CIDEC: variants seen among roughly 807,000 people sequenced by gnomAD.
CIDEC encodes cell death inducing DFFA like effector c.
CIDEC carries 11 observed loss-of-function variants against 21.9 expected under a neutral mutation model. That is an observed-to-expected ratio of 0.50 (90% confidence interval 0.32 to 0.83). The LOEUF (loss-of-function observed/expected upper bound fraction) is 0.83. Among genes scored for constraint, CIDEC ranks in the 40% least tolerant of loss-of-function variants. The probability of loss-of-function intolerance (pLI) is 0.04; values close to 1 mark genes in which losing one functional copy is unlikely to be tolerated. For synonymous variants in CIDEC, 127 were observed against 124.9 expected (o/e 1.02, Z -0.11); for missense variants, 302 against 302.3 (o/e 1.00, Z 0.01).
chr3:9,876,481 G>T (rs991227168), intron 4 of CIDEC, among the ~76,000 whole-genome samples: 7 of 151,942 alleles, frequency 4.6e-5, no homozygotes, highest in African/African-American at 1.7e-4. Flanking sequence ...CTTGGGCTGG[G>T]TGTGGTAGCT....
rs540271070 is a variant in CIDEC, at chr3:9,872,225, G to T, written c.208-1903C>A. ...GTCTTGCTCTCTCACCCAGGCTGGA[G>T]TGCAGTGGTGCCATCATGACTCACT... On this transcript the variant is annotated intron_variant, in intron 4 of 6. Transcript: ENST00000336832. Among the ~76,000 whole-genome samples the T allele has an allele frequency of 1.4e-4, 22 of 151,860 alleles. No homozygotes were observed. In the East Asian group the frequency reaches 4.1e-3, roughly 28 times the overall value.
At position 9,877,050 on chromosome 3, in the gene CIDEC, G is replaced by T. The variant is rs758723139; in HGVS notation, c.207+16C>A. 4 of 1,548,016 alleles carry T rather than the reference G, an allele frequency of 2.6e-6. No homozygotes were observed. In the South Asian group the frequency reaches 3.6e-5, roughly 14 times the overall value. The stretch of plus-strand genomic sequence containing the variant: ...CCAGCTCACAGCTGGGCTGTGCAAC[G>T]CGCAGGTGCTCTCACCTTGAGGAGG... On this transcript the variant is annotated intron_variant, in intron 4 of 6. Transcript: ENST00000336832.
At chr3:9,870,420 C>G (rs749653604) in intron 4 of CIDEC, 98 bp from the exon 5 acceptor site, 10 of 1,583,412 alleles carry the variant, frequency 6.3e-6, no homozygotes, top group Non-Finnish European at 8.5e-6. Context: ...TGTGGAATCA[C>G]TACCCAGAGA....
intron 1 of CIDEC, 35 bp from the exon 2 acceptor site, chr3:9,879,089 C>G: frequency 2.0e-6 from 1 of 490,314 alleles, no homozygotes; most frequent in Non-Finnish European, 3.7e-6. Context: ...TACATACTCT[C>G]CAATACCATT....
intron 4 of CIDEC, among the ~76,000 whole-genome samples, chr3:9,871,849 C>T (rs868475509): frequency 4.1e-4 from 63 of 152,178 alleles, no homozygotes; most frequent in Middle Eastern, 3.2e-3. Context: ...AGGCTGGTCT[C>T]AAACTCCCGA....
chr3:9,867,285 C>T lies in CIDEC; in HGVS notation c.566G>A (p.Arg189His), dbSNP rs1132702. Residue 189 changes from arginine (R) to histidine (H), a missense_variant, in exon 7 of 7, where the codon CGC (arginine) becomes CAC (histidine). Arg to His is a conservative substitution (Grantham distance 29, BLOSUM62 0). Coordinates refer to ENST00000336832, the MANE Select transcript of CIDEC (RefSeq NM_001321142.2). ...GGCCTGCATGCTGAAGAGGGCCCAG[C>T]GGAAAGCTTCCCTGGGTGGAATGAG... ...GAKRIMKEAFRWALFSMQATG... is the reference protein window; with the variant it reads ...GAKRIMKEAFHWALFSMQATG... The T allele has an allele frequency of 2.5e-5, 41 of 1,613,970 alleles. No individual in the cohort carries two copies. The highest frequency in any genetic ancestry group is 4.5e-5 in the East Asian group (2 of 44,906).
Position 9,866,871 on chromosome 3 carries a change from G to T in CIDEC, c.*263C>A. On this transcript the variant is annotated 3_prime_UTR_variant, in exon 7 of 7. Transcript: ENST00000336832. ...GCTAAGGGGCAGACTTCATGCCAATGGAGGGACAGACTTCAGGACCAGTCT... is the reference window on the plus strand; with the variant it reads ...GCTAAGGGGCAGACTTCATGCCAATTGAGGGACAGACTTCAGGACCAGTCT... The T allele has an allele frequency of 1.6e-6, 1 of 607,448 alleles. No individual in the cohort carries two copies. The highest frequency in any genetic ancestry group is 1.9e-5 in the South Asian group (1 of 51,880). 37.6% of individuals were successfully genotyped at this position (607,448 alleles called of 1,614,324 possible). A position where few individuals can be genotyped will look rare whatever the true frequency, so the allele number is the denominator to read the frequency against.
intron 1 of CIDEC, among the ~76,000 whole-genome samples, chr3:9,879,752 G>C (rs1377831028): frequency 2.0e-5 from 3 of 152,080 alleles, no homozygotes; most frequent in African/African-American, 7.2e-5. Flanking sequence ...TCTTTAAAAG[G>C]AAAGTCTTCT....
At chr3:9,879,220 T>C (rs1240297836) in intron 1 of CIDEC, among the ~76,000 whole-genome samples, 166 bp from the exon 2 acceptor site, 1 of 142,944 alleles carries the variant, frequency 7.0e-6, no homozygotes, top group African/African-American at 2.6e-5. Context: ...TGGGGCGATC[T>C]TGCTCACTAC....
intron 4 of CIDEC, among the ~76,000 whole-genome samples, chr3:9,873,529 T>G (rs1228160942): frequency 6.6e-6 from 1 of 152,078 alleles, no homozygotes; most frequent in Non-Finnish European, 1.5e-5. Context: ...GGCAGGAGAA[T>G]GGCGTGAACC....
At chr3:9,878,688 A>C in intron 2 of CIDEC, 177 bp from the exon 3 acceptor site, 7 of 1,476,114 alleles carry the variant, frequency 4.7e-6, no homozygotes, top group Non-Finnish European at 6.4e-6. Flanking sequence ...ATGCCAACCA[A>C]GACCAAGCTG....
chr3:9,870,505 G>T, intron 4 of CIDEC, 183 bp from the exon 5 acceptor site: 1 of 1,496,826 alleles, frequency 6.7e-7, no homozygotes, highest in Non-Finnish European at 9.0e-7. Context: ...AAAATATAAT[G>T]TAAGTCACAT....
chr3:9,872,095 G>A (rs575404992), intron 4 of CIDEC, among the ~76,000 whole-genome samples: 4 of 152,100 alleles, frequency 2.6e-5, no homozygotes, highest in African/African-American at 7.2e-5. Context: ...TTACAGACGT[G>A]AGGCACAACA....
chr3:9,868,672 A>C (rs2125041034), intron 6 of CIDEC, among the ~76,000 whole-genome samples: 1 of 152,342 alleles, frequency 6.6e-6, no homozygotes, highest in African/African-American at 2.4e-5. Flanking sequence ...TTCAAAAATA[A>C]GTTTTAAGAA....
chr3:9,874,615 A>G (rs1021002950), intron 4 of CIDEC, among the ~76,000 whole-genome samples: 2 of 152,112 alleles, frequency 1.3e-5, no homozygotes, highest in African/African-American at 4.8e-5. Context: ...ACTGACCTAG[A>G]AAATAAATAA....
chr3:9,870,225 G>A lies in CIDEC; in HGVS notation c.305C>T (p.Ala102Val). 1 of 1,614,130 alleles carries A rather than the reference G, an allele frequency of 6.2e-7. No individual in the cohort carries two copies. The highest frequency in any genetic ancestry group is 1.3e-5 in the African/African-American group (1 of 75,044). ...VETEEYFQAL[A>V]GDTVFMVLQK... ...GAGGACCATGAACACTGTATCCCCT[G>A]CCAGGGCTTGGAAGTACTCTTCTGT... The change falls in exon 5 of 7, where the codon GCA becomes GTA. Residue 102 changes from alanine (A) to valine (V), a missense_variant. Physicochemically the swap from Ala to Val is moderately conservative, Grantham distance 64. Transcript: ENST00000336832.
Position 9,877,263 on chromosome 3 carries a change from A to G in CIDEC, c.54-44T>C, listed in dbSNP as rs1225385352. The G allele has an allele frequency of 1.9e-6, 3 of 1,545,812 alleles. No individual in the cohort carries two copies. In the Admixed American group the frequency reaches 5.9e-5, roughly 30 times the overall value. On this transcript the variant is annotated intron_variant, in intron 3 of 6. Transcript: ENST00000336832. ...CAGGGTGAGCCACCCACTTTGCCCAACCCTTGCCCACCACACAGGGGAGCC... is the reference window on the plus strand; with the variant it reads ...CAGGGTGAGCCACCCACTTTGCCCAGCCCTTGCCCACCACACAGGGGAGCC...
Position 9,877,209 on chromosome 3 carries a change from C to T in CIDEC, c.64G>A (p.Val22Met). Residue 22 changes from valine (V) to methionine (M), a missense_variant, in exon 4 of 7, where the codon GTG becomes ATG. Coordinates refer to ENST00000336832, the MANE Select transcript of CIDEC (RefSeq NM_001321142.2). Reference sequence around the variant, plus strand: ...TGCTGGGTCACCACAGAGGTACGCACTGACACATGCCTGGGGCAGTTGAAG... The same window carrying T: ...TGCTGGGTCACCACAGAGGTACGCATTGACACATGCCTGGGGCAGTTGAAG... Reference protein sequence around the residue: ...YPKSLSRHVSVRTSVVTQQLL... With the variant: ...YPKSLSRHVSMRTSVVTQQLL... 6.5e-7 allele frequency: 1 copy of T among 1,550,248 alleles called. No individual in the cohort carries two copies. Among genetic ancestry groups the T allele is most frequent in the Non-Finnish European group, 8.7e-7 (1 of 1,147,058 alleles).
chr3:9,879,894 C>T (rs555121859), intron 1 of CIDEC, among the ~76,000 whole-genome samples: 8 of 152,244 alleles, frequency 5.3e-5, no homozygotes, highest in African/African-American at 9.6e-5. Flanking sequence ...TCGAAGCTCC[C>T]GGCACAGGTA....
Sources: allele counts gnomAD v4.1 joint callset (sites outside exome capture counted in the v4.1 genomes callset), GRCh38; gene constraint gnomAD v4.1.1; transcripts MANE v1.5; gene names NCBI Gene and HGNC (gene_info 2026-07-23, HGNC 2026-07-21).